The following SMCO4 variants were observed in gnomAD, a reference collection of about 807,000 sequenced individuals.
The protein encoded by SMCO4 is single-pass membrane protein with coiled-coil domains 4.
SMCO4 carries 4 observed loss-of-function variants against 3.6 expected under a neutral mutation model. That is an observed-to-expected ratio of 1.11 (90% CI 0.54 to 2.53). The LOEUF (loss-of-function observed/expected upper bound fraction) is 2.53. Among genes scored for constraint, SMCO4 ranks in the 30% most tolerant of loss-of-function variants. The pLI is 0.02. For synonymous variants in SMCO4, 36 were observed against 35.3 expected, an observed-to-expected ratio of 1.02 and a Z score of -0.07; for missense variants, 70 against 80.8, an observed-to-expected ratio of 0.87 and a Z score of 0.51.
At chr11:93,550,630 G>A in the SMCO4 span, among the ~76,000 whole-genome samples, 8 of 152,264 alleles carry the variant, frequency 5.3e-5, no homozygotes, top group Non-Finnish European at 7.4e-5. Context: ...AGCTGTTATC[G>A]CACCATTGCA....
chr11:93,488,549 T>C lies in SMCO4; in HGVS notation c.-80-9280A>G, dbSNP rs187012894. ...CAATTTACCGAGATTGGAAATGGAGTGTGAAAAAAAGAAAACAGACTGAAG... is the reference window on the plus strand; with the variant it reads ...CAATTTACCGAGATTGGAAATGGAGCGTGAAAAAAAGAAAACAGACTGAAG... On this transcript the variant is annotated intron_variant, in intron 2 of 2. Coordinates refer to ENST00000298966, the MANE Select transcript of SMCO4 (RefSeq NM_020179.3). Among the ~76,000 whole-genome samples the C allele has an allele frequency of 1.1e-3, 161 of 150,174 alleles. 2 individuals carry two copies. The highest frequency in any genetic ancestry group is 0.01 in the Middle Eastern group (3 of 292).
chr11:93,483,584 C>T (rs1230547427), intron 2 of SMCO4, among the ~76,000 whole-genome samples: 1 of 150,114 alleles, frequency 6.7e-6, no homozygotes, highest in African/African-American at 2.5e-5. Flanking sequence ...TCCTTCTAGT[C>T]GAGTCCCCTG....
At chr11:93,498,099 A>G (rs1591309823) in intron 2 of SMCO4, among the ~76,000 whole-genome samples, 1 of 152,322 alleles carries the variant, frequency 6.6e-6, no homozygotes, top group Non-Finnish European at 1.5e-5. Flanking sequence ...TAAAAGCCTC[A>G]CACTGAAGCC....
At chr11:93,514,084 G>C (rs1485351006) in intron 1 of SMCO4, among the ~76,000 whole-genome samples, 1 of 152,022 alleles carries the variant, frequency 6.6e-6, no homozygotes, top group Non-Finnish European at 1.5e-5. Flanking sequence ...TGCTCAACAA[G>C]CATCTGCTGA....
intron 1 of SMCO4, among the ~76,000 whole-genome samples, chr11:93,528,808 A>G (rs978112169): frequency 2.8e-4 from 43 of 152,232 alleles, no homozygotes; most frequent in African/African-American, 9.4e-4. Context: ...TCCAGTACCA[A>G]TCTGGATACC....
intron 1 of SMCO4, among the ~76,000 whole-genome samples, chr11:93,504,198 A>C (rs1948876609): frequency 6.6e-6 from 1 of 152,208 alleles, no homozygotes; most frequent in Admixed American, 6.5e-5. Flanking sequence ...TTAGAAATCA[A>C]GAGGTCCAAA....
At chr11:93,542,038 T>C (rs1303785114) in intron 1 of SMCO4, among the ~76,000 whole-genome samples, 1 of 152,060 alleles carries the variant, frequency 6.6e-6, no homozygotes, top group East Asian at 1.9e-4. Flanking sequence ...AAGCCCACTA[T>C]GGGTCTCTTG....
chr11:93,494,543 C>T (rs1306161447), intron 2 of SMCO4, among the ~76,000 whole-genome samples: 5 of 152,162 alleles, frequency 3.3e-5, no homozygotes, highest in African/African-American at 1.2e-4. Flanking sequence ...TCAGCAGGCA[C>T]CTGGAATGCA....
intron 2 of SMCO4, among the ~76,000 whole-genome samples, chr11:93,497,439 A>C (rs929395320): frequency 4.6e-5 from 7 of 152,236 alleles, no homozygotes; most frequent in African/African-American, 1.7e-4. Context: ...TAGCCTTAAC[A>C]AAAACAAAAC....
At chr11:93,530,452 G>C (rs1401547913) in intron 1 of SMCO4, among the ~76,000 whole-genome samples, 1 of 152,156 alleles carries the variant, frequency 6.6e-6, no homozygotes, top group East Asian at 1.9e-4. Flanking sequence ...AACCTGCCTA[G>C]AAACAGCTGC....
At chr11:93,487,940 G>A (rs1477531068) in intron 2 of SMCO4, among the ~76,000 whole-genome samples, 1 of 152,206 alleles carries the variant, frequency 6.6e-6, no homozygotes, top group East Asian at 1.9e-4. Context: ...TGTATGTCAG[G>A]GGACAATGTT....
intron 1 of SMCO4, among the ~76,000 whole-genome samples, chr11:93,524,462 A>G (rs1949087283): frequency 6.6e-6 from 1 of 152,178 alleles, no homozygotes; most frequent in African/African-American, 2.4e-5. Context: ...GAAGTATGCT[A>G]CCTAAGAGTG....
the SMCO4 span, among the ~76,000 whole-genome samples, chr11:93,549,459 AT>A: frequency 2.0e-5 from 3 of 152,240 alleles, no homozygotes; most frequent in Middle Eastern, 6.8e-3. Context: ...GGTAAAAAAA[AT>A]TTTTTTGAGT....
the SMCO4 span, among the ~76,000 whole-genome samples, chr11:93,550,275 A>C: frequency 6.6e-6 from 1 of 152,180 alleles, no homozygotes; most frequent in Non-Finnish European, 1.5e-5. Flanking sequence ...GCCTGTCTTC[A>C]TGCTCTTCTA....
intron 2 of SMCO4, among the ~76,000 whole-genome samples, chr11:93,497,348 A>C (rs1368270112): frequency 3.9e-5 from 6 of 152,254 alleles, no homozygotes; most frequent in African/African-American, 1.4e-4. Context: ...AAGCTGATCA[A>C]ACCTGTTAGT....
intron 2 of SMCO4, among the ~76,000 whole-genome samples, chr11:93,486,886 G>GA (rs888447058): frequency 3.3e-5 from 5 of 152,142 alleles, no homozygotes; most frequent in Admixed American, 1.3e-4. Context: ...CCTGTCTTCA[G>GA]AAAAAAACAG....
At chr11:93,524,741 G>A (rs1339372613) in intron 1 of SMCO4, among the ~76,000 whole-genome samples, 1 of 152,118 alleles carries the variant, frequency 6.6e-6, no homozygotes, top group Non-Finnish European at 1.5e-5. Flanking sequence ...AGGAATGGTG[G>A]GTCAACAGCC....
At chr11:93,550,477 T>G in the SMCO4 span, among the ~76,000 whole-genome samples, 2 of 151,920 alleles carry the variant, frequency 1.3e-5, no homozygotes, top group Admixed American at 1.3e-4. Context: ...CTGGGCAACA[T>G]GGTGAAACCG....
At chr11:93,545,550 T>C (rs1591335097), upstream of SMCO4, among the ~76,000 whole-genome samples, 1 of 124,276 alleles carries the variant, frequency 8.0e-6, no homozygotes, top group Non-Finnish European at 1.6e-5. Context: ...ATCATGCCAC[T>C]GCACTCCAGC....
Sources: gnomAD v4.1 joint callset for allele counts (sites outside exome capture counted in the v4.1 genomes callset) on GRCh38, gnomAD v4.1.1 for gene constraint, MANE v1.5 for transcripts, NCBI Gene and HGNC (gene_info 2026-07-23, HGNC 2026-07-21) for gene names.